Variants in CSMD3 observed in about 807,000 individuals in gnomAD.
CSMD3 encodes the protein CUB and sushi domain-containing protein 3.
Under a neutral mutation model 435.2 loss-of-function variants are expected in CSMD3, and 177 were observed. That is an observed-to-expected ratio of 0.41 (90% confidence interval 0.36 to 0.46). CSMD3 has a LOEUF of 0.46. CSMD3 is among the 20% of genes least tolerant of loss of function. The probability of loss-of-function intolerance (pLI) is 0.34; values close to 1 mark genes in which losing one functional copy is unlikely to be tolerated. For missense variants in CSMD3, 4,265 were observed against 4,504.6 expected, an observed-to-expected ratio of 0.95 and a Z score of 1.52; for synonymous variants, 1,656 against 1,520.5, an observed-to-expected ratio of 1.09 and a Z score of -2.07.
chr8:112,703,254 C>A (rs912691918), intron 13 of CSMD3, among the ~76,000 whole-genome samples: 4 of 152,096 alleles, frequency 2.6e-5, no homozygotes, highest in East Asian at 3.9e-4. Flanking sequence ...CATGATTCTG[C>A]TCTTTTTTTC....
chr8:112,677,516 T>C (rs1391949888), intron 16 of CSMD3, among the ~76,000 whole-genome samples: 1 of 149,058 alleles, frequency 6.7e-6, no homozygotes, highest in African/African-American at 2.5e-5. Flanking sequence ...GAAATCATAC[T>C]AGATAACTGA....
intron 13 of CSMD3, among the ~76,000 whole-genome samples, chr8:112,700,002 G>A (rs1242108725): frequency 6.6e-6 from 1 of 152,032 alleles, no homozygotes; most frequent in Non-Finnish European, 1.5e-5. Context: ...AAATTTGGAA[G>A]GGTTTTAATT....
At chr8:113,198,421 C>T (rs1441919563) in intron 3 of CSMD3, among the ~76,000 whole-genome samples, 1 of 151,050 alleles carries the variant, frequency 6.6e-6, no homozygotes, top group Non-Finnish European at 1.5e-5. Context: ...TATTTATTAG[C>T]TGGGTGACCT....
At chr8:112,229,245 A>G (rs1184778446) in intron 69 of CSMD3, among the ~76,000 whole-genome samples, 1 of 152,196 alleles carries the variant, frequency 6.6e-6, no homozygotes, top group East Asian at 1.9e-4. Flanking sequence ...GATATACAAC[A>G]TAGGCTTGGC....
chr8:113,383,810 A>T (rs2094427780), intron 1 of CSMD3, among the ~76,000 whole-genome samples: 1 of 151,960 alleles, frequency 6.6e-6, no homozygotes, highest in African/African-American at 2.4e-5. Flanking sequence ...GTAATTCTGG[A>T]TCTGTATCCT....
intron 3 of CSMD3, among the ~76,000 whole-genome samples, chr8:113,211,133 C>G (rs2092829721): frequency 6.6e-6 from 1 of 152,080 alleles, no homozygotes; most frequent in Non-Finnish European, 1.5e-5. Flanking sequence ...ACTCAGGCGT[C>G]ATGACAAATA....
At chr8:112,715,314 G>A (rs886311255) in intron 13 of CSMD3, among the ~76,000 whole-genome samples, 5 of 151,974 alleles carry the variant, frequency 3.3e-5, no homozygotes, top group South Asian at 2.1e-4. Flanking sequence ...AAATAAACTA[G>A]AAAATCTAAA....
intron 24 of CSMD3, among the ~76,000 whole-genome samples, chr8:112,568,390 C>T (rs904555790): frequency 2.0e-5 from 3 of 151,744 alleles, no homozygotes; most frequent in Non-Finnish European, 2.9e-5. Context: ...GTCAGGAGTT[C>T]GAGACCAGCC....
At chr8:112,996,029 T>A (rs2085639469) in intron 6 of CSMD3, among the ~76,000 whole-genome samples, 1 of 151,532 alleles carries the variant, frequency 6.6e-6, no homozygotes, top group East Asian at 1.9e-4. Context: ...TATGATGTTT[T>A]GAAATATGTA....
chr8:112,739,240 C>A (rs2077250242), intron 13 of CSMD3, among the ~76,000 whole-genome samples: 1 of 151,640 alleles, frequency 6.6e-6, no homozygotes. Flanking sequence ...ATCAACAGTT[C>A]TAATTCTCTC....
chr8:113,378,137 A>G (rs1189520361), intron 1 of CSMD3, among the ~76,000 whole-genome samples: 1 of 152,212 alleles, frequency 6.6e-6, no homozygotes, highest in African/African-American at 2.4e-5. Flanking sequence ...TACTATAGGC[A>G]TAACCCTTAG....
At chr8:112,864,802 C>T (rs1191355960) in intron 10 of CSMD3, among the ~76,000 whole-genome samples, 2 of 152,096 alleles carry the variant, frequency 1.3e-5, no homozygotes, top group Admixed American at 6.6e-5. Context: ...CTGATTTGAG[C>T]AGTTTATAAT....
In CSMD3 at chr8:112,918,292, T is replaced by C. The variant is rs1006994135; in HGVS notation, c.1633+3335A>G. The stretch of plus-strand genomic sequence containing the variant: ...AAAGGTGATGTCATGATTTTTATGG[T>C]TGTTTTTAGTATTTTCCCATTTCAT... On this transcript the variant is annotated intron_variant, in intron 10 of 70. Transcript: ENST00000297405. Among the ~76,000 whole-genome samples, 7 of 151,974 alleles carry C rather than the reference T, an allele frequency of 4.6e-5. No homozygotes were observed. In the Admixed American group the frequency reaches 4.6e-4, roughly 10 times the overall value.
intron 6 of CSMD3, among the ~76,000 whole-genome samples, chr8:112,982,109 A>G (rs1012529872): frequency 6.6e-6 from 1 of 151,998 alleles, no homozygotes; most frequent in African/African-American, 2.4e-5. Flanking sequence ...GTAGAATTAA[A>G]GTTCAAAGTA....
At chr8:112,229,468 A>G (rs1812885396) in intron 69 of CSMD3, among the ~76,000 whole-genome samples, 2 of 150,798 alleles carry the variant, frequency 1.3e-5, no homozygotes, top group Admixed American at 1.3e-4. Flanking sequence ...TCACTTTGTC[A>G]CCCAGGCTGC....
intron 50 of CSMD3, among the ~76,000 whole-genome samples, chr8:112,309,248 G>A: frequency 6.6e-6 from 1 of 151,816 alleles, no homozygotes; most frequent in East Asian, 1.9e-4. Flanking sequence ...AAAGCATGCG[G>A]TATTTTTATT....
At chr8:112,454,008 C>G (rs945790184) in intron 32 of CSMD3, among the ~76,000 whole-genome samples, 2 of 152,240 alleles carry the variant, frequency 1.3e-5, no homozygotes, top group Admixed American at 1.3e-4. Flanking sequence ...AAATAATTCT[C>G]TAATCAATAA....
At chr8:112,876,230 A>C (rs117684223) in intron 10 of CSMD3, among the ~76,000 whole-genome samples, 2,527 of 152,252 alleles carry the variant, frequency 0.017, 41 homozygotes, top group Admixed American at 0.025. Flanking sequence ...ACAGATTCAT[A>C]GCCAAACTCT....
intron 6 of CSMD3, among the ~76,000 whole-genome samples, chr8:112,979,731 G>A (rs570822917): frequency 4.0e-5 from 6 of 151,354 alleles, no homozygotes; most frequent in African/African-American, 1.2e-4. Flanking sequence ...GGAAGAAAAC[G>A]TACATTCAGA....
Sources: allele counts gnomAD v4.1 joint callset (sites outside exome capture counted in the v4.1 genomes callset), GRCh38; gene constraint gnomAD v4.1.1; transcripts MANE v1.5; gene names NCBI Gene and HGNC (gene_info 2026-07-23, HGNC 2026-07-21).